The following BRWD3 variants were observed in gnomAD, a reference collection of about 807,000 sequenced individuals.
BRWD3 encodes bromodomain and WD repeat-containing protein 3.
BRWD3 carries 10 observed loss-of-function variants against 149.7 expected under a neutral mutation model. The observed-to-expected ratio is 0.07, with a 90% CI of 0.04 to 0.11. The LOEUF is 0.11. Ranked by LOEUF, BRWD3 falls within the 10% of genes least tolerant of loss-of-function variation. The pLI, the probability that BRWD3 is intolerant of heterozygous loss-of-function variation, is 1.00. For synonymous variants in BRWD3, 504 were observed against 456.7 expected (o/e 1.10, Z -1.32); for missense variants, 940 against 1,373.2 (o/e 0.68, Z 4.99).
At chrX:80,730,854 C>T (rs1007059326) in intron 12 of BRWD3, among the ~76,000 whole-genome samples, 1 of 111,743 alleles carries the variant, frequency 8.9e-6, no homozygotes, top group South Asian at 3.7e-4. Context: ...AACTGTATTT[C>T]GTAGATCTAT....
intron 40 of BRWD3, 61 bp downstream of exon 40, chrX:80,681,280 G>A: frequency 8.9e-7 from 1 of 1,121,281 alleles, no homozygotes; most frequent in South Asian, 1.9e-5. Flanking sequence ...GCTTTTAAAT[G>A]ATTTATCTGC....
intron 6 of BRWD3, among the ~76,000 whole-genome samples, chrX:80,750,856 A>T (rs867005089): frequency 2.3e-5 from 1 of 43,325 alleles, no homozygotes; most frequent in Non-Finnish European, 4.5e-5. Flanking sequence ...AATGTGTTTT[A>T]TACACACACA....
chrX:80,743,530 C>A (rs758465606), intron 8 of BRWD3, among the ~76,000 whole-genome samples: 1 of 111,199 alleles, frequency 9.0e-6, no homozygotes, highest in African/African-American at 3.3e-5. Flanking sequence ...TGGTCCTGGA[C>A]TTTTTTTGGT....
At chrX:80,693,239 T>C (rs1285128973) in intron 27 of BRWD3, among the ~76,000 whole-genome samples, 188 bp from the exon 28 acceptor site, 6 of 112,222 alleles carry the variant, frequency 5.3e-5, no homozygotes, top group Non-Finnish European at 1.1e-4. Flanking sequence ...TTCCAAGTGG[T>C]AGAAATCTTT....
intron 6 of BRWD3, among the ~76,000 whole-genome samples, chrX:80,784,276 T>C (rs1402709072): frequency 1.8e-5 from 2 of 111,753 alleles, no homozygotes; most frequent in African/African-American, 6.5e-5. Context: ...CTACCATTTC[T>C]AGGTAATTTT....
intron 6 of BRWD3, among the ~76,000 whole-genome samples, chrX:80,778,757 G>A (rs1219465756): frequency 8.9e-6 from 1 of 112,501 alleles, no homozygotes; most frequent in East Asian, 2.8e-4. Flanking sequence ...CCAGCACTTT[G>A]AGAGGCCAAG....
At chrX:80,789,822 T>C (rs2074159337) in intron 6 of BRWD3, among the ~76,000 whole-genome samples, 1 of 86,841 alleles carries the variant, frequency 1.2e-5, no homozygotes. Flanking sequence ...ATGGAACTCC[T>C]TTTTTTTTTT....
At chrX:80,761,301 C>A (rs1489639727) in intron 6 of BRWD3, among the ~76,000 whole-genome samples, 1 of 111,851 alleles carries the variant, frequency 8.9e-6, no homozygotes, top group African/African-American at 3.2e-5. Context: ...ATAAAAGGAT[C>A]ACTGCAAATG....
chrX:80,733,348 A>C (rs1361162235), intron 12 of BRWD3, 108 bp downstream of exon 12: 1 of 606,641 alleles, frequency 1.6e-6, no homozygotes, highest in African/African-American at 2.3e-5. Flanking sequence ...TTTGAACCTA[A>C]ATAACTGGAC....
rs2072333743 is a variant in BRWD3 at position 80,672,801 on chromosome X, T to G, written c.*3808A>C. 8.9e-6 allele frequency: 1 copy of G among 111,804 alleles called. No individual in the cohort carries two copies. The highest frequency in any genetic ancestry group is 3.7e-4 in the South Asian group (1 of 2,700). 9.2% of individuals were successfully genotyped at this position (111,804 alleles called of 1,213,427 possible). On this transcript the variant is annotated 3_prime_UTR_variant, in exon 41 of 41. Coordinates refer to ENST00000373275, the MANE Select transcript of BRWD3 (RefSeq NM_153252.5). ...CATCACAGAACTCAAAATGTTACTG[T>G]AATTGTTTAAAAGGCTGGACAGCAA...
chrX:80,807,665 C>A (rs1187069674), intron 4 of BRWD3, among the ~76,000 whole-genome samples: 1 of 112,045 alleles, frequency 8.9e-6, no homozygotes, highest in African/African-American at 3.2e-5. Flanking sequence ...TGTGTCAATG[C>A]TGAACACAAG....
At chrX:80,688,222 A>G (rs1330776921) in intron 33 of BRWD3, 97 bp from the exon 34 acceptor site, 3 of 732,666 alleles carry the variant, frequency 4.1e-6, no homozygotes, top group African/African-American at 4.2e-5. Flanking sequence ...ATAAAATCAC[A>G]GTTAACTTTC....
intron 33 of BRWD3, 31 bp downstream of exon 33, chrX:80,689,737 T>A: frequency 1.1e-5 from 12 of 1,117,704 alleles, no homozygotes; most frequent in Non-Finnish European, 1.4e-5. Context: ...GAAAAGTAAC[T>A]CATTCCTACT....
intron 6 of BRWD3, among the ~76,000 whole-genome samples, chrX:80,770,753 GC>G (rs2073934661): frequency 9.0e-6 from 1 of 111,602 alleles, no homozygotes; most frequent in South Asian, 3.8e-4. Flanking sequence ...TCTGGCCAGG[GC>G]AATCAGGCAA....
intron 6 of BRWD3, among the ~76,000 whole-genome samples, chrX:80,761,687 T>C (rs1460232645): frequency 8.9e-6 from 1 of 112,088 alleles, no homozygotes; most frequent in Non-Finnish European, 1.9e-5. Context: ...ATTTTACATA[T>C]TTAATTAGAA....
chrX:80,800,061 A>C (rs1324363508), intron 4 of BRWD3, among the ~76,000 whole-genome samples: 2 of 110,372 alleles, frequency 1.8e-5, no homozygotes, highest in African/African-American at 3.3e-5. Flanking sequence ...AAGGAAGCAA[A>C]GAAGTAAGGT....
At chrX:80,783,762 T>C (rs1478855926) in intron 6 of BRWD3, among the ~76,000 whole-genome samples, 4 of 111,596 alleles carry the variant, frequency 3.6e-5, no homozygotes, top group Non-Finnish European at 7.5e-5. Context: ...TGAGATCCTG[T>C]CATTTATAAC....
At chrX:80,773,098 G>C (rs958993908) in intron 6 of BRWD3, among the ~76,000 whole-genome samples, 1 of 112,095 alleles carries the variant, frequency 8.9e-6, no homozygotes, top group African/African-American at 3.2e-5. Context: ...GAGGGAAGCC[G>C]ATGTGGTTAT....
At chrX:80,714,680 T>C (rs1375751002) in intron 20 of BRWD3, among the ~76,000 whole-genome samples, 7 of 112,049 alleles carry the variant, frequency 6.2e-5, no homozygotes, top group Admixed American at 4.7e-4. Flanking sequence ...CCACGGACCA[T>C]TGGTCACTCA....
Sources: gnomAD v4.1 joint callset for allele counts (sites outside exome capture counted in the v4.1 genomes callset) on GRCh38, gnomAD v4.1.1 for gene constraint, MANE v1.5 for transcripts, NCBI Gene and HGNC (gene_info 2026-07-23, HGNC 2026-07-21) for gene names.